Variants in CPB1 observed in about 807,000 individuals in gnomAD.
CPB1 encodes the protein carboxypeptidase B.
In CPB1, 53 loss-of-function variants were observed where a neutral mutation model predicts 51.4. That is an observed-to-expected ratio of 1.03 (90% CI 0.83 to 1.30). The LOEUF is 1.30. CPB1 is among the 50% of genes most tolerant of loss of function. The probability of loss-of-function intolerance (pLI) is 0.00; values close to 1 mark genes in which losing one functional copy is unlikely to be tolerated. For missense variants in CPB1, 494 were observed against 516.2 expected, an observed-to-expected ratio of 0.96 and a Z score of 0.42; for synonymous variants, 189 against 186.9, an observed-to-expected ratio of 1.01 and a Z score of -0.09.
At position 148,834,606 on chromosome 3, in the gene CPB1, A is replaced by G. The variant is rs1712839952; in HGVS notation, c.256A>G (p.Asn86Asp). 6.2e-7 allele frequency: 1 copy of G among 1,609,992 alleles called. No individual in the cohort carries two copies. The highest frequency in any genetic ancestry group is 1.3e-5 in the African/African-American group (1 of 74,886). Residue 86 changes from asparagine to aspartate, a missense_variant, in exon 3 of 11, where the codon AAT (asparagine) becomes GAT (aspartate). Coordinates refer to ENST00000282957, the MANE Select transcript of CPB1 (RefSeq NM_001871.3). ...CACTGTGGAGAATGTTCTAAAGCAG[A>G]ATGAACTACAATACAAGTAAGTTTA... The part of the protein sequence containing the change: ...TVTVENVLKQ[N>D]ELQYKVLISN...
rs977605122 is a variant in CPB1 at position 148,844,545 on chromosome 3, T to C, written c.644T>C (p.Leu215Pro). ...ELLDKLDFYV[L>P]PVLNIDGYIY... ...CTCGACAAGTTAGACTTTTATGTCCTGCCTGTGCTCAATATTGATGGCTAC... is the reference window on the plus strand; with the variant it reads ...CTCGACAAGTTAGACTTTTATGTCCCGCCTGTGCTCAATATTGATGGCTAC... Residue 215 changes from leucine (L) to proline (P), a missense_variant, in exon 7 of 11, where the codon CTG (leucine) becomes CCG (proline). Leu to Pro is a moderately conservative substitution (Grantham distance 98). Transcript: ENST00000282957. The C allele has an allele frequency of 8.7e-6, 14 of 1,613,844 alleles. No homozygotes were observed. Among genetic ancestry groups the C allele is most frequent in the Admixed American group, 3.3e-5 (2 of 59,984 alleles).
chr3:148,846,742 T>C (rs1411214593), intron 9 of CPB1, among the ~76,000 whole-genome samples: 1 of 11,844 alleles, frequency 8.4e-5, no homozygotes, highest in Non-Finnish European at 1.6e-4. Context: ...CAAAAATATA[T>C]ATATATATAT....
chr3:148,832,337 T>G (rs16861027), intron 2 of CPB1, among the ~76,000 whole-genome samples: 10,707 of 152,046 alleles, frequency 0.07, 613 homozygotes, highest in East Asian at 0.29. Flanking sequence ...TGTTCTGAAG[T>G]GGCACTAGAT....
intron 9 of CPB1, among the ~76,000 whole-genome samples, chr3:148,853,444 A>G (rs1429813012): frequency 6.6e-6 from 1 of 152,218 alleles, no homozygotes; most frequent in East Asian, 1.9e-4. Context: ...CTGGAGAAAC[A>G]TTACACTAAG....
intron 2 of CPB1, among the ~76,000 whole-genome samples, chr3:148,833,044 T>C (rs750628079): frequency 6.6e-6 from 1 of 152,184 alleles, no homozygotes; most frequent in African/African-American, 2.4e-5. Context: ...TCTCTTATAA[T>C]GTGCTTATCT....
rs538631529 is a variant in CPB1 at position 148,841,858 on chromosome 3, C to A, written c.510C>A (p.Phe170Leu). The change falls in exon 6 of 11, where the codon TTC becomes TTA. Residue 170 changes from phenylalanine (F) to leucine (L), a missense_variant. Phe to Leu is a conservative substitution (Grantham distance 22). Coordinates refer to ENST00000282957, the MANE Select transcript of CPB1 (RefSeq NM_001871.3). ...GKAGQNKPAI[F>L]MDCGFHAREW... ...CTGGACAAAATAAGCCTGCCATTTT[C>A]ATGGACTGTGGTTTCCATGCCAGAG... The A allele has an allele frequency of 1.9e-6, 3 of 1,613,976 alleles. No individual in the cohort carries two copies. The highest frequency in any genetic ancestry group is 2.7e-5 in the African/African-American group (2 of 75,038).
intron 9 of CPB1, among the ~76,000 whole-genome samples, chr3:148,847,372 TAAAAAAAAA>T (rs3043983): frequency 1.2e-5 from 1 of 86,718 alleles, no homozygotes; most frequent in Non-Finnish European, 2.1e-5. Context: ...AAATCATTCT[TAAAAAAAAA>T]AAAAAAAAAA....
chr3:148,835,367 T>G (rs531886831), intron 3 of CPB1, among the ~76,000 whole-genome samples: 10 of 152,076 alleles, frequency 6.6e-5, no homozygotes, highest in Non-Finnish European at 1.3e-4. Context: ...GGAATTGCAG[T>G]AGTATTTAAC....
intron 9 of CPB1, chr3:148,854,768 C>T (rs1713526918): frequency 6.6e-6 from 1 of 152,158 alleles, no homozygotes; most frequent in Non-Finnish European, 1.5e-5. Flanking sequence ...AGGAGCTCAC[C>T]TGGTGAGGAA....
At chr3:148,837,309 A>G (rs1161957629) in intron 3 of CPB1, among the ~76,000 whole-genome samples, 1 of 152,170 alleles carries the variant, frequency 6.6e-6, no homozygotes, top group Non-Finnish European at 1.5e-5. Context: ...CAATAGGCAC[A>G]TAGCAATGTT....
chr3:148,854,415 C>A (rs1228093597), intron 9 of CPB1: 1 of 151,916 alleles, frequency 6.6e-6, no homozygotes, highest in Non-Finnish European at 1.5e-5. Context: ...TCTGTTCTGA[C>A]TTTTTTTGTC....
chr3:148,833,739 T>TTAAAAAAAAAAAAACA (rs1358632416), intron 2 of CPB1, among the ~76,000 whole-genome samples: 18 of 137,450 alleles, frequency 1.3e-4, no homozygotes, highest in African/African-American at 5.7e-4. Context: ...CATCCACAGA[T>TTAAAAAAAAAAAAACA]TAAAAAAAAA....
chr3:148,845,724 C>A, intron 9 of CPB1, 98 bp downstream of exon 9: 1 of 939,932 alleles, frequency 1.1e-6, no homozygotes, highest in East Asian at 2.7e-5. Context: ...TCTGGAAGTC[C>A]CTTTATTGAT....
chr3:148,857,714 C>T, intron 10 of CPB1, 173 bp downstream of exon 10: 1 of 507,488 alleles, frequency 2.0e-6, no homozygotes, highest in South Asian at 3.0e-5. Context: ...GAGGGAAAGC[C>T]TGGACAACAT....
chr3:148,850,362 T>C (rs1461684633), intron 9 of CPB1, among the ~76,000 whole-genome samples: 1 of 152,064 alleles, frequency 6.6e-6, no homozygotes, highest in African/African-American at 2.4e-5. Flanking sequence ...AGTGCAGTGG[T>C]GCAATCTCGG....
At chr3:148,837,316 T>C (rs1029539266) in intron 3 of CPB1, among the ~76,000 whole-genome samples, 1 of 152,158 alleles carries the variant, frequency 6.6e-6, no homozygotes, top group Non-Finnish European at 1.5e-5. Flanking sequence ...CACATAGCAA[T>C]GTTCTTCAAT....
At chr3:148,829,135 A>C (rs2108009387) in intron 2 of CPB1, among the ~76,000 whole-genome samples, 1 of 152,322 alleles carries the variant, frequency 6.6e-6, no homozygotes, top group East Asian at 1.9e-4. Context: ...TGTTGGGCTT[A>C]GCTGAGTCAA....
chr3:148,856,304 A>G (rs868314286), intron 9 of CPB1: 1 of 152,362 alleles, frequency 6.6e-6, no homozygotes, highest in Middle Eastern at 3.4e-3. Flanking sequence ...TTTCTAATTT[A>G]CCACCTGGCT....
At chr3:148,834,909 G>A (rs1253764968) in intron 3 of CPB1, among the ~76,000 whole-genome samples, 1 of 152,142 alleles carries the variant, frequency 6.6e-6, no homozygotes, top group Non-Finnish European at 1.5e-5. Flanking sequence ...TAGAGTACAG[G>A]CCTAGCCAAT....
Sources: allele counts gnomAD v4.1 joint callset (sites outside exome capture counted in the v4.1 genomes callset), GRCh38; gene constraint gnomAD v4.1.1; transcripts MANE v1.5; gene names NCBI Gene and HGNC (gene_info 2026-07-23, HGNC 2026-07-21).